The following RXFP1 variants were observed in gnomAD, a reference collection of about 807,000 sequenced individuals.
RXFP1 encodes relaxin family peptide receptor 1.
RXFP1 carries 73 observed loss-of-function variants against 89.8 expected under a neutral mutation model. The ratio of observed to expected loss-of-function variants is 0.81; its 90% CI spans 0.67 to 0.99. The LOEUF is 0.99. RXFP1 is among the 50% of genes least tolerant of loss of function. RXFP1 has a pLI of 0.00. For synonymous variants in RXFP1, 277 were observed against 305.5 expected (o/e 0.91, Z 0.97); for missense variants, 793 against 895.5 (o/e 0.89, Z 1.46).
intron 1 of RXFP1, among the ~76,000 whole-genome samples, chr4:158,541,761 A>G (rs974181344): frequency 3.9e-5 from 6 of 152,110 alleles, no homozygotes; most frequent in Non-Finnish European, 8.8e-5. Flanking sequence ...TTGAGCATGT[A>G]TCTCCAAAGA....
chr4:158,604,890 T>A (rs1266465237), intron 4 of RXFP1, among the ~76,000 whole-genome samples, 178 bp from the exon 5 acceptor site: 1 of 152,164 alleles, frequency 6.6e-6, no homozygotes, highest in Non-Finnish European at 1.5e-5. Flanking sequence ...GCTTTAATAG[T>A]GCAAAACTAA....
intron 1 of RXFP1, among the ~76,000 whole-genome samples, chr4:158,566,843 G>A (rs771463129): frequency 1.1e-4 from 17 of 152,228 alleles, no homozygotes; most frequent in Non-Finnish European, 2.2e-4. Flanking sequence ...CATTCTGGCC[G>A]GGCTTGAGGA....
At chr4:158,531,081 G>A (rs1180506669) in intron 1 of RXFP1, among the ~76,000 whole-genome samples, 1 of 152,118 alleles carries the variant, frequency 6.6e-6, no homozygotes, top group Non-Finnish European at 1.5e-5. Context: ...TCCTGGCCCA[G>A]GCTTGAGTGC....
chr4:158,555,079 A>G (rs1015762837), intron 1 of RXFP1, among the ~76,000 whole-genome samples: 1 of 152,176 alleles, frequency 6.6e-6, no homozygotes, highest in African/African-American at 2.4e-5. Context: ...CAGTGACTGC[A>G]TTGATTTCAG....
rs1771228245 is a variant in RXFP1 at position 158,644,978 on chromosome 4, A to C, written c.1185A>C (p.Gly395=). ...GCAGCTGTAAACCAAACACTGATGG[A>C]ATTTCATCTCTAGAGAATCTCTTGG... is the stretch of plus-strand genomic sequence containing the variant. ...HVRSCKPNTD[G]ISSLENLLAS... Residue 395 remains glycine, a synonymous_variant, in exon 15 of 18, where the codon GGA becomes GGC. Transcript: ENST00000307765. The C allele has an allele frequency of 6.2e-7, 1 of 1,614,058 alleles. No homozygotes were observed. The highest frequency in any genetic ancestry group is 8.5e-7 in the Non-Finnish European group (1 of 1,180,018).
intron 1 of RXFP1, among the ~76,000 whole-genome samples, chr4:158,553,502 C>G (rs558225198): frequency 3.6e-4 from 55 of 152,172 alleles, no homozygotes; most frequent in Admixed American, 3.3e-3. Context: ...GCAAAGACAG[C>G]TCATCCATAA....
At chr4:158,598,722 T>C (rs1302752519) in intron 3 of RXFP1, among the ~76,000 whole-genome samples, 4 of 151,980 alleles carry the variant, frequency 2.6e-5, no homozygotes, top group Non-Finnish European at 5.9e-5. Flanking sequence ...TAGAATCCTA[T>C]GCAGAAAAAA....
chr4:158,650,969 A>T (rs1037345029), intron 17 of RXFP1, among the ~76,000 whole-genome samples: 2 of 152,046 alleles, frequency 1.3e-5, no homozygotes, highest in African/African-American at 2.4e-5. Flanking sequence ...ATAAAAAAAT[A>T]AAAAATTAAC....
intron 1 of RXFP1, among the ~76,000 whole-genome samples, chr4:158,558,022 G>A (rs1474061921): frequency 6.6e-6 from 1 of 152,196 alleles, no homozygotes; most frequent in African/African-American, 2.4e-5. Flanking sequence ...AAAACATCTT[G>A]AGAAATATAT....
In RXFP1 at chr4:158,552,377, G is replaced by A. The variant is rs915488003; in HGVS notation, c.50-20321G>A. 9.2e-5 allele frequency among the ~76,000 whole-genome samples: 14 copies of A among 152,288 alleles called. No individual in the cohort carries two copies. The East Asian group carries it at 1.9e-3, about 21-fold the overall frequency. On this transcript the variant is annotated intron_variant, in intron 1 of 17. Coordinates refer to ENST00000307765, the MANE Select transcript of RXFP1 (RefSeq NM_021634.4). ...AAATATGAAACCTCAGCCACTTTAT[G>A]TGTTGGGAAATATGTGCATTTATTC...
rs182376742 is a variant in RXFP1 at position 158,579,475 on chromosome 4, A to G, written c.187+6640A>G. ...GAGATGGGGTTTCACCGTGTTGGCG[A>G]GGATGGTCTCGATCTCTTGACCTCG... is the stretch of plus-strand genomic sequence containing the variant. On this transcript the variant is annotated intron_variant, in intron 2 of 17. Transcript: ENST00000307765. Among the ~76,000 whole-genome samples the G allele has an allele frequency of 3.4e-3, 517 of 152,196 alleles. 3 individuals carry two copies. Among genetic ancestry groups the G allele is most frequent in the African/African-American group, 0.012 (489 of 41,506 alleles).
chr4:158,607,490 G>A (rs1762737837), intron 5 of RXFP1, among the ~76,000 whole-genome samples: 1 of 152,092 alleles, frequency 6.6e-6, no homozygotes, highest in South Asian at 2.1e-4. Context: ...ACACTTTTAG[G>A]TTGGCTAGCA....
Position 158,646,642 on chromosome 4 carries a change from T to C in RXFP1, c.1346-149T>C, listed in dbSNP as rs1015724094. 6.3e-6 allele frequency: 9 copies of C among 1,430,390 alleles called. No homozygotes were observed. In the African/African-American group the frequency reaches 1.0e-4, roughly 16 times the overall value. 88.6% of individuals were successfully genotyped at this position (1,430,390 alleles called of 1,614,324 possible). Reference sequence around the variant, plus strand: ...GAGTCTATGAATAGATCCTCATCTGTAAATGAATTATTAGGAGAATAAAAA... The same window carrying C: ...GAGTCTATGAATAGATCCTCATCTGCAAATGAATTATTAGGAGAATAAAAA... On this transcript the variant is annotated intron_variant, in intron 15 of 17. Transcript: ENST00000307765.
intron 1 of RXFP1, among the ~76,000 whole-genome samples, chr4:158,547,286 G>A (rs1178337308): frequency 3.9e-5 from 6 of 152,044 alleles, no homozygotes; most frequent in East Asian, 1.9e-4. Flanking sequence ...CTGTGGGATC[G>A]GTGGTGATAT....
chr4:158,647,225 T>C (rs773365529), intron 16 of RXFP1, 24 bp downstream of exon 16: 6 of 1,520,498 alleles, frequency 3.9e-6, no homozygotes, highest in Non-Finnish European at 5.3e-6. Flanking sequence ...AAACTAATGT[T>C]CACAAATTTT....
At chr4:158,640,931 T>G (rs1023766113) in intron 14 of RXFP1, among the ~76,000 whole-genome samples, 2 of 152,212 alleles carry the variant, frequency 1.3e-5, no homozygotes, top group Non-Finnish European at 2.9e-5. Context: ...TCAAAGAGTA[T>G]GTCTAGTTGT....
At position 158,612,849 on chromosome 4, in the gene RXFP1, T is replaced by C. The variant is rs552333671; in HGVS notation, c.680+487T>C. Among the ~76,000 whole-genome samples, 82 of 152,300 alleles carry C rather than the reference T, an allele frequency of 5.4e-4. 1 individual carries two copies. The Middle Eastern group carries it at 0.034, about 63-fold the overall frequency. ...TGGTCTGGAACTCCTGACTTCATGA[T>C]CCACCCATCTTGGCCTCCCAAAGTG... On this transcript the variant is annotated intron_variant, in intron 8 of 17. Transcript: ENST00000307765.
intron 1 of RXFP1, among the ~76,000 whole-genome samples, chr4:158,547,095 G>A (rs1166981909): frequency 2.0e-5 from 3 of 152,014 alleles, no homozygotes; most frequent in Non-Finnish European, 4.4e-5. Context: ...CTTTTTGGTT[G>A]GTAAGCTATT....
At chr4:158,640,476 C>A (rs1770151167) in intron 14 of RXFP1, among the ~76,000 whole-genome samples, 1 of 152,076 alleles carries the variant, frequency 6.6e-6, no homozygotes, top group South Asian at 2.1e-4. Context: ...TGGCAGAGGA[C>A]AAAGAGGGAG....
Sources: gnomAD v4.1 joint callset for allele counts (sites outside exome capture counted in the v4.1 genomes callset) on GRCh38, gnomAD v4.1.1 for gene constraint, MANE v1.5 for transcripts, NCBI Gene and HGNC (gene_info 2026-07-23, HGNC 2026-07-21) for gene names.